HSPBAP1: variants seen among roughly 807,000 people sequenced by gnomAD.
HSPBAP1 encodes the protein HSPB1 associated protein 1.
Under a neutral mutation model 45.2 loss-of-function variants are expected in HSPBAP1, and 27 were observed. That is an observed-to-expected ratio of 0.60 (90% CI 0.44 to 0.82). The LOEUF (loss-of-function observed/expected upper bound fraction) is 0.82, where lower values mean the gene tolerates loss of function less well. HSPBAP1 is among the 40% of genes least tolerant of loss of function. The pLI is 0.00. For missense variants in HSPBAP1, 510 were observed against 590.9 expected (o/e 0.86, Z 1.42); for synonymous variants, 204 against 202.7 (o/e 1.01, Z -0.06).
At position 122,752,641 on chromosome 3, in the gene HSPBAP1, C is replaced by T. The variant is rs781333058; in HGVS notation, c.775G>A (p.Val259Ile). Residue 259 changes from valine to isoleucine, a missense_variant, in exon 6 of 8, where the codon GTA becomes ATA. Physicochemically the swap from Val to Ile is conservative, Grantham distance 29. Coordinates refer to ENST00000306103, the MANE Select transcript of HSPBAP1 (RefSeq NM_024610.6). ...ACAGTGACAGGATCAATGGATTCTA[C>T]GTAATGCCACCAGTGTCTGGGAACA... is the stretch of plus-strand genomic sequence containing the variant. ...LFVPRHWWHY[V>I]ESIDPVTVSI... 1.1e-5 allele frequency: 18 copies of T among 1,607,864 alleles called. No homozygotes were observed. The highest frequency in any genetic ancestry group is 3.4e-5 in the Admixed American group (2 of 59,090).
intron 1 of HSPBAP1, among the ~76,000 whole-genome samples, chr3:122,792,536 A>G (rs1232399187): frequency 3.9e-5 from 6 of 152,060 alleles, no homozygotes; most frequent in Non-Finnish European, 8.8e-5. Flanking sequence ...CCCCTTCAGC[A>G]AACTGTTTGA....
chr3:122,780,729 C>T, intron 1 of HSPBAP1, among the ~76,000 whole-genome samples: 1 of 151,286 alleles, frequency 6.6e-6, no homozygotes, highest in African/African-American at 2.4e-5. Flanking sequence ...GGGGTGGCTG[C>T]CGGGCGGAGG....
At chr3:122,761,127 A>G (rs1934567669) in intron 3 of HSPBAP1, among the ~76,000 whole-genome samples, 1 of 152,184 alleles carries the variant, frequency 6.6e-6, no homozygotes, top group Non-Finnish European at 1.5e-5. Context: ...ACCACACCTC[A>G]GTCTGAGGAA....
At chr3:122,749,091 C>T (rs989202709) in intron 6 of HSPBAP1, among the ~76,000 whole-genome samples, 1 of 151,564 alleles carries the variant, frequency 6.6e-6, no homozygotes, top group Non-Finnish European at 1.5e-5. Context: ...GCACTTTGTA[C>T]ATATAAGACT....
chr3:122,741,552 C>T (rs1933668684), intron 6 of HSPBAP1: 1 of 164,550 alleles, frequency 6.1e-6, no homozygotes, highest in African/African-American at 2.4e-5. Context: ...CTAAACGTGG[C>T]TTTAAGACAG....
chr3:122,793,571 T>C (rs371491150), intron 1 of HSPBAP1, 46 bp downstream of exon 1: 66 of 1,576,578 alleles, frequency 4.2e-5, no homozygotes, highest in Non-Finnish European at 5.4e-5. Context: ...GAGAGTCAAC[T>C]GGCATTGGGT....
At chr3:122,758,964 T>C in intron 4 of HSPBAP1, 1 of 461,192 alleles carries the variant, frequency 2.2e-6, no homozygotes, top group Non-Finnish European at 4.0e-6. Flanking sequence ...AATCTCAGAG[T>C]TCTAGAATAA....
At chr3:122,755,518 T>C (rs1290543745) in intron 4 of HSPBAP1, 87 bp from the exon 5 acceptor site, 2 of 1,023,422 alleles carry the variant, frequency 2.0e-6, no homozygotes, top group African/African-American at 3.3e-5. Flanking sequence ...AGTGTTCATT[T>C]TTACTTGTTT....
At chr3:122,744,029 A>T (rs28490891) in intron 6 of HSPBAP1, among the ~76,000 whole-genome samples, 1 of 151,982 alleles carries the variant, frequency 6.6e-6, no homozygotes, top group African/African-American at 2.4e-5. Context: ...ATAAAAAAAT[A>T]AAAAATTCTA....
chr3:122,775,381 A>T (rs1935156727), intron 2 of HSPBAP1, among the ~76,000 whole-genome samples: 1 of 152,254 alleles, frequency 6.6e-6, no homozygotes, highest in South Asian at 2.1e-4. Flanking sequence ...GCCAACACAC[A>T]CATAAAAAGA....
intron 5 of HSPBAP1, 175 bp downstream of exon 5, chr3:122,755,085 G>A: frequency 8.1e-7 from 1 of 1,227,284 alleles, no homozygotes; most frequent in Non-Finnish European, 1.0e-6. Context: ...TGAAGCAGAG[G>A]TGTATGTGTC....
chr3:122,753,331 T>C lies in HSPBAP1; in HGVS notation c.742-657A>G, dbSNP rs982214304. ...GATAGCAAGTAGGTCAGTCTTACTA[T>C]CACAGAGGGAATAATGGGAGATAAG... On this transcript the variant is annotated intron_variant, in intron 5 of 7. Transcript: ENST00000306103. 16 of 656,986 alleles carry C rather than the reference T, an allele frequency of 2.4e-5. No homozygotes were observed. The African/African-American group carries it at 2.6e-4, about 11-fold the overall frequency. The allele number at this position is 656,986 out of a possible 1,614,324, so 40.7% of individuals were successfully genotyped here. A position where few individuals can be genotyped will look rare whatever the true frequency, so the allele number is the denominator to read the frequency against.
chr3:122,788,897 C>G (rs1237551586), intron 1 of HSPBAP1, among the ~76,000 whole-genome samples: 1 of 152,134 alleles, frequency 6.6e-6, no homozygotes, highest in African/African-American at 2.4e-5. Flanking sequence ...CTACCTAACA[C>G]TACTAACACT....
At chr3:122,753,398 AT>A in intron 5 of HSPBAP1, 3 of 971,922 alleles carry the variant, frequency 3.1e-6, no homozygotes, top group Non-Finnish European at 3.7e-6. Context: ...CAGAATCTAG[AT>A]TTTATCTGGT....
chr3:122,771,408 G>A (rs1374730902), intron 2 of HSPBAP1, among the ~76,000 whole-genome samples: 1 of 152,170 alleles, frequency 6.6e-6, no homozygotes, highest in East Asian at 1.9e-4. Flanking sequence ...CCTACTTACT[G>A]TAAAGTGCTA....
At chr3:122,754,850 G>A (rs1253404104) in intron 5 of HSPBAP1, 6 of 989,328 alleles carry the variant, frequency 6.1e-6, no homozygotes, top group African/African-American at 5.2e-5. Context: ...CACACCTGGA[G>A]GCATTCCGAC....
intron 3 of HSPBAP1, among the ~76,000 whole-genome samples, chr3:122,768,351 A>G (rs1934861143): frequency 6.6e-6 from 1 of 152,226 alleles, no homozygotes; most frequent in Non-Finnish European, 1.5e-5. Flanking sequence ...TTATGCTTTC[A>G]TCTGCCTCAC....
In HSPBAP1 at chr3:122,793,759, A is replaced by C. The variant is rs1935915531; in HGVS notation, c.-79T>G. 1 of 1,355,604 alleles carries C rather than the reference A, an allele frequency of 7.4e-7. No individual in the cohort carries two copies. The highest frequency in any genetic ancestry group is 1.4e-5 in the African/African-American group (1 of 70,022). 84.0% of individuals were successfully genotyped at this position (1,355,604 alleles called of 1,614,324 possible). A position where few individuals can be genotyped will look rare whatever the true frequency, so the allele number is the denominator to read the frequency against. ...GGGTCAGAGTAGGGGCCAAACTCCG[A>C]GACCCGAAGCTGCACCACAGGAAGG... On this transcript the variant is annotated 5_prime_UTR_variant, in exon 1 of 8. Transcript: ENST00000306103.
intron 1 of HSPBAP1, among the ~76,000 whole-genome samples, chr3:122,784,534 T>A (rs568057515): frequency 6.6e-6 from 1 of 152,246 alleles, no homozygotes; most frequent in South Asian, 2.1e-4. Context: ...TCTAGAAATA[T>A]GTAGAGATAT....
Sources: gnomAD v4.1 joint callset for allele counts (sites outside exome capture counted in the v4.1 genomes callset) on GRCh38, gnomAD v4.1.1 for gene constraint, MANE v1.5 for transcripts, NCBI Gene and HGNC (gene_info 2026-07-23, HGNC 2026-07-21) for gene names.